G3BP2: variants seen among roughly 807,000 people sequenced by gnomAD.
G3BP2 encodes G3BP stress granule assembly factor 2, also known as ras GTPase-activating protein-binding protein 2.
G3BP2 carries 11 observed loss-of-function variants against 56.7 expected under a neutral mutation model. That is an observed-to-expected ratio of 0.19 (90% confidence interval 0.12 to 0.32). G3BP2 has a LOEUF of 0.32. Among genes scored for constraint, G3BP2 ranks in the 10% least tolerant of loss-of-function variants. The pLI is 1.00. For synonymous variants in G3BP2, 165 were observed against 191.6 expected, an observed-to-expected ratio of 0.86 and a Z score of 1.15; for missense variants, 340 against 610.9, an observed-to-expected ratio of 0.56 and a Z score of 4.67.
At chr4:75,708,606 T>C (rs1195146170) in intron 3 of G3BP2, among the ~76,000 whole-genome samples, 1 of 152,206 alleles carries the variant, frequency 6.6e-6, no homozygotes, top group African/African-American at 2.4e-5. Context: ...AGATGGTCCA[T>C]ACATCTTGGG....
intron 3 of G3BP2, among the ~76,000 whole-genome samples, chr4:75,696,671 C>A (rs1719131816): frequency 6.6e-6 from 1 of 152,178 alleles, no homozygotes; most frequent in South Asian, 2.1e-4. Flanking sequence ...ATGATGTGAG[C>A]ATGGCAGACA....
At chr4:75,689,772 T>A (rs535082696) in intron 3 of G3BP2, among the ~76,000 whole-genome samples, 2 of 152,216 alleles carry the variant, frequency 1.3e-5, no homozygotes, top group African/African-American at 4.8e-5. Flanking sequence ...TTTAATACCA[T>A]CAAAGACTGT....
intron 3 of G3BP2, among the ~76,000 whole-genome samples, chr4:75,658,053 A>AT (rs2148986158): frequency 6.6e-6 from 1 of 152,184 alleles, no homozygotes; most frequent in African/African-American, 2.4e-5. Flanking sequence ...TGCTGATGCT[A>AT]TTTTTTGTCT....
At chr4:75,656,600 T>C (rs1241631440) in intron 5 of G3BP2, among the ~76,000 whole-genome samples, 1 of 152,038 alleles carries the variant, frequency 6.6e-6, no homozygotes, top group African/African-American at 2.4e-5. Flanking sequence ...AAAGGAAGCT[T>C]TGAGTCAGTG....
chr4:75,656,838 T>C lies in G3BP2; in HGVS notation c.442+86A>G, dbSNP rs1316396480. On this transcript the variant is annotated intron_variant, in intron 5 of 11. Coordinates refer to ENST00000359707, the MANE Select transcript of G3BP2 (RefSeq NM_203505.3). ...ACACAGTTACAATAAAGCAGCAAAT[T>C]TCCGTAGATGTCATACTTATAGAAA... The C allele has an allele frequency of 3.1e-5, 22 of 704,928 alleles. 1 individual carries two copies. Among genetic ancestry groups the C allele is most frequent in the Non-Finnish European group, 3.2e-5 (13 of 402,704 alleles). The allele number at this position is 704,928 out of a possible 1,614,324, so 43.7% of individuals were successfully genotyped here. A position where few individuals can be genotyped will look rare whatever the true frequency, so the allele number is the denominator to read the frequency against.
chr4:75,670,931 G>C (rs1227129821), intron 1 of G3BP2, among the ~76,000 whole-genome samples: 1 of 152,180 alleles, frequency 6.6e-6, no homozygotes. Context: ...GTTGAGAAGA[G>C]TGAAAAGCAA....
At chr4:75,712,729 T>C (rs1719803196) in intron 3 of G3BP2, among the ~76,000 whole-genome samples, 1 of 151,762 alleles carries the variant, frequency 6.6e-6, no homozygotes, top group Admixed American at 6.6e-5. Flanking sequence ...ATAAGGGAGG[T>C]GAAAATATCC....
chr4:75,674,312 C>T (rs750499125), upstream of G3BP2, among the ~76,000 whole-genome samples: 1 of 152,162 alleles, frequency 6.6e-6, no homozygotes, highest in Non-Finnish European at 1.5e-5. Context: ...TTAATGAATG[C>T]TTACGAACTA....
intron 3 of G3BP2, among the ~76,000 whole-genome samples, chr4:75,709,609 C>G (rs1355218681): frequency 6.6e-6 from 1 of 151,824 alleles, no homozygotes; most frequent in African/African-American, 2.4e-5. Flanking sequence ...AAGACTCTAT[C>G]TCAGAAAGAA....
intron 3 of G3BP2, among the ~76,000 whole-genome samples, chr4:75,685,834 G>T (rs1441035585): frequency 6.6e-6 from 1 of 152,196 alleles, no homozygotes; most frequent in Non-Finnish European, 1.5e-5. Flanking sequence ...GTCTCCTTTG[G>T]AGTAGTTTTG....
intron 3 of G3BP2, among the ~76,000 whole-genome samples, chr4:75,690,205 G>T (rs1003230229): frequency 7.9e-5 from 12 of 152,170 alleles, no homozygotes; most frequent in African/African-American, 2.9e-4. Flanking sequence ...AGGCCAAGGT[G>T]GGCGGATCAC....
At chr4:75,646,908 G>A (rs1731246849) in intron 10 of G3BP2, 121 bp downstream of exon 10, 3 of 605,666 alleles carry the variant, frequency 5.0e-6, no homozygotes, top group South Asian at 2.3e-5. Flanking sequence ...GGTGGGTCTG[G>A]TAGCTGGACA....
intron 3 of G3BP2, among the ~76,000 whole-genome samples, chr4:75,685,883 A>T (rs1431511263): frequency 6.6e-6 from 1 of 152,218 alleles, no homozygotes; most frequent in African/African-American, 2.4e-5. Context: ...TATCATAAAC[A>T]AGGAACTGCC....
intron 7 of G3BP2, chr4:75,654,777 GAAC>G (rs1731958652): frequency 7.0e-6 from 2 of 285,770 alleles, no homozygotes; most frequent in Admixed American, 9.9e-5. Context: ...CAGAATGAAA[GAAC>G]AACTGACAGC....
chr4:75,642,805 T>C lies in G3BP2; in HGVS notation c.*2625A>G, dbSNP rs987009591. On this transcript the variant is annotated 3_prime_UTR_variant, in exon 12 of 12. Transcript: ENST00000359707. The stretch of plus-strand genomic sequence containing the variant: ...GATAAATGCTGCAGACATCAGTAGT[T>C]TATTGTTTGTTTAGTCCAAACACAT... The C allele has an allele frequency of 6.6e-6, 1 of 152,614 alleles. No homozygotes were observed. The highest frequency in any genetic ancestry group is 2.4e-5 in the African/African-American group (1 of 41,470). 9.5% of individuals were successfully genotyped at this position (152,614 alleles called of 1,614,324 possible). A position where few individuals can be genotyped will look rare whatever the true frequency, so the allele number is the denominator to read the frequency against.
At chr4:75,646,163 T>C (rs1578373821) in intron 11 of G3BP2, among the ~76,000 whole-genome samples, 175 bp downstream of exon 11, 1 of 152,170 alleles carries the variant, frequency 6.6e-6, no homozygotes, top group East Asian at 1.9e-4. Context: ...GCAAAGCAAG[T>C]AACAAAATTT....
rs144001972 is a variant in G3BP2 at position 75,673,200 on chromosome 4, G to A, written c.-25+8C>T. 405 of 1,201,984 alleles carry A rather than the reference G, an allele frequency of 3.4e-4. No individual in the cohort carries two copies. Among genetic ancestry groups the A allele is most frequent in the Non-Finnish European group, 3.9e-4 (377 of 969,148 alleles). 74.5% of individuals were successfully genotyped at this position (1,201,984 alleles called of 1,614,324 possible). On this transcript the variant is annotated splice_region_variant and intron_variant, in intron 1 of 11. Coordinates refer to ENST00000359707, the MANE Select transcript of G3BP2 (RefSeq NM_203505.3). ...ACACCGACCTCCCCTCCCGGCGCCC[G>A]TACACACCTCCAGCCAACGGCGGCG... is the stretch of plus-strand genomic sequence containing the variant.
chr4:75,665,524 C>A (rs1732940716), intron 1 of G3BP2, among the ~76,000 whole-genome samples: 1 of 151,966 alleles, frequency 6.6e-6, no homozygotes, highest in Non-Finnish European at 1.5e-5. Flanking sequence ...AGTGGGCAGA[C>A]TGCTTGAGCT....
chr4:75,662,741 T>C (rs1732667907), intron 1 of G3BP2, among the ~76,000 whole-genome samples: 1 of 152,044 alleles, frequency 6.6e-6, no homozygotes, highest in East Asian at 1.9e-4. Flanking sequence ...CCCCAGGAGG[T>C]CCAATGCTGC....
Sources: allele counts gnomAD v4.1 joint callset (sites outside exome capture counted in the v4.1 genomes callset), GRCh38; gene constraint gnomAD v4.1.1; transcripts MANE v1.5; gene names NCBI Gene and HGNC (gene_info 2026-07-23, HGNC 2026-07-21).